Variants in UNC13C observed in about 807,000 individuals in gnomAD.
UNC13C encodes the protein unc-13 homolog C.
In UNC13C, 174 loss-of-function variants were observed where a neutral mutation model predicts 245.4. The ratio of observed to expected loss-of-function variants is 0.71; its 90% confidence interval spans 0.63 to 0.80. UNC13C has a LOEUF of 0.80. Among genes scored for constraint, UNC13C ranks in the 30% least tolerant of loss-of-function variants. The probability of loss-of-function intolerance (pLI) is 0.00; values close to 1 mark genes in which losing one functional copy is unlikely to be tolerated. For missense variants in UNC13C, 2,829 were observed against 2,602.9 expected (o/e 1.09, Z -1.89); for synonymous variants, 992 against 895.1 (o/e 1.11, Z -1.93).
At chr15:54,501,190 G>A (rs1322408023) in intron 22 of UNC13C, among the ~76,000 whole-genome samples, 1 of 151,954 alleles carries the variant, frequency 6.6e-6, no homozygotes, top group Non-Finnish European at 1.5e-5. Flanking sequence ...CCTATTTATT[G>A]TTCACTTCGA....
chr15:54,600,602 T>C (rs1596650188), intron 30 of UNC13C, among the ~76,000 whole-genome samples: 1 of 152,256 alleles, frequency 6.6e-6, no homozygotes, highest in Middle Eastern at 3.4e-3. Flanking sequence ...TAATTCACTT[T>C]TTTGGTACCT....
At chr15:53,897,645 T>A in the UNC13C span, among the ~76,000 whole-genome samples, 4 of 152,332 alleles carry the variant, frequency 2.6e-5, no homozygotes, top group East Asian at 7.7e-4. Flanking sequence ...CATCACACTG[T>A]TATAGCATCA....
the UNC13C span, among the ~76,000 whole-genome samples, chr15:53,884,411 C>T: frequency 1.3e-5 from 2 of 152,124 alleles, no homozygotes; most frequent in Non-Finnish European, 2.9e-5. Flanking sequence ...TCACTGCGGC[C>T]TGAACTCCTG....
chr15:54,391,766 C>G (rs773730514), intron 17 of UNC13C, among the ~76,000 whole-genome samples: 1 of 151,990 alleles, frequency 6.6e-6, no homozygotes, highest in Non-Finnish European at 1.5e-5. Context: ...AATATATGCT[C>G]TTAAAAGTAC....
At chr15:54,190,979 A>G (rs2034162934) in intron 4 of UNC13C, among the ~76,000 whole-genome samples, 1 of 152,102 alleles carries the variant, frequency 6.6e-6, no homozygotes, top group Admixed American at 6.6e-5. Context: ...TTTCCGTAAT[A>G]AGCAATGATA....
intron 2 of UNC13C, chr15:54,048,780 C>A: frequency 4.0e-6 from 1 of 249,410 alleles, no homozygotes; most frequent in Non-Finnish European, 8.2e-6. Context: ...AACCAGAGGG[C>A]CGTTAACTCT....
intron 19 of UNC13C, among the ~76,000 whole-genome samples, chr15:54,445,759 C>G (rs535203881): frequency 2.6e-5 from 4 of 152,028 alleles, no homozygotes; most frequent in African/African-American, 7.2e-5. Flanking sequence ...TCACTCTGAT[C>G]GTAGTTTCTT....
the UNC13C span, among the ~76,000 whole-genome samples, chr15:53,945,869 C>T: frequency 4.6e-5 from 7 of 152,142 alleles, no homozygotes; most frequent in Non-Finnish European, 8.8e-5. Context: ...ATGATTCTTC[C>T]TATCCATGAG....
chr15:54,310,268 G>C (rs1377460496), intron 13 of UNC13C, among the ~76,000 whole-genome samples: 1 of 151,830 alleles, frequency 6.6e-6, no homozygotes, highest in African/African-American at 2.4e-5. Flanking sequence ...AATATGGTTA[G>C]AAGCAAGAAA....
chr15:54,511,911 T>A, intron 24 of UNC13C, 81 bp downstream of exon 24: 1 of 1,010,844 alleles, frequency 9.9e-7, no homozygotes, highest in Non-Finnish European at 1.5e-6. Context: ...GAAAGTGTCT[T>A]AATCAAGTTT....
At chr15:54,540,192 TA>T (rs1301746374) in intron 26 of UNC13C, among the ~76,000 whole-genome samples, 2 of 152,050 alleles carry the variant, frequency 1.3e-5, no homozygotes, top group African/African-American at 4.8e-5. Context: ...TGTAAAGTGA[TA>T]ATGAGTACAA....
chr15:54,220,442 G>A (rs1283141827), intron 4 of UNC13C, among the ~76,000 whole-genome samples: 3 of 131,980 alleles, frequency 2.3e-5, no homozygotes, highest in Admixed American at 1.6e-4. Context: ...TCTGGGGACT[G>A]TTGTGGGGTA....
intron 2 of UNC13C, among the ~76,000 whole-genome samples, chr15:54,056,704 CAGAG>C (rs1190966586): frequency 6.6e-6 from 1 of 152,186 alleles, no homozygotes; most frequent in East Asian, 1.9e-4. Flanking sequence ...TAAGGGCAGC[CAGAG>C]AGAAAGGTCG....
At chr15:54,486,286 CACAAT>C (rs1228359317) in intron 19 of UNC13C, among the ~76,000 whole-genome samples, 1 of 145,858 alleles carries the variant, frequency 6.9e-6, no homozygotes, top group African/African-American at 2.5e-5. Context: ...CACACACACA[CACAAT>C]ATCAGTGTGG....
At chr15:53,955,435 C>G in the UNC13C span, among the ~76,000 whole-genome samples, 1 of 152,046 alleles carries the variant, frequency 6.6e-6, no homozygotes, top group African/African-American at 2.4e-5. Context: ...CTGCTGTATT[C>G]TTGTTATTTC....
At chr15:54,334,324 T>C (rs995358623) in intron 16 of UNC13C, among the ~76,000 whole-genome samples, 1 of 152,166 alleles carries the variant, frequency 6.6e-6, no homozygotes, top group Non-Finnish European at 1.5e-5. Flanking sequence ...TATCTATTGG[T>C]ATAATTGGCT....
chr15:54,440,514 T>C (rs1183926679), intron 19 of UNC13C, among the ~76,000 whole-genome samples: 1 of 152,054 alleles, frequency 6.6e-6, no homozygotes. Context: ...TGAGTAGTAT[T>C]CCATTGTGTA....
At chr15:53,915,007 T>A in the UNC13C span, among the ~76,000 whole-genome samples, 1 of 152,136 alleles carries the variant, frequency 6.6e-6, no homozygotes, top group Non-Finnish European at 1.5e-5. Context: ...TGCCGGGGAA[T>A]GTCATAATGG....
chr15:54,433,823 A>G (rs1262539863), intron 19 of UNC13C, among the ~76,000 whole-genome samples: 1 of 152,100 alleles, frequency 6.6e-6, no homozygotes, highest in Non-Finnish European at 1.5e-5. Flanking sequence ...ATGATTGTAT[A>G]TTTAGAAAAC....
Sources: allele counts gnomAD v4.1 joint callset (sites outside exome capture counted in the v4.1 genomes callset), GRCh38; gene constraint gnomAD v4.1.1; transcripts MANE v1.5; gene names NCBI Gene and HGNC (gene_info 2026-07-23, HGNC 2026-07-21).